Variants in UNC79 observed in about 807,000 individuals in gnomAD.
UNC79 encodes the protein protein unc-79 homolog.
In UNC79, 37 loss-of-function variants were observed where a neutral mutation model predicts 283.1. The ratio of observed to expected loss-of-function variants is 0.13; its 90% CI spans 0.10 to 0.17. UNC79 has a LOEUF of 0.17. Ranked by LOEUF, UNC79 falls within the 10% of genes least tolerant of loss-of-function variation. UNC79 has a pLI of 1.00. For synonymous variants in UNC79, 1,107 were observed against 1,200.2 expected, an observed-to-expected ratio of 0.92 and a Z score of 1.61; for missense variants, 2,272 against 3,211.1, an observed-to-expected ratio of 0.71 and a Z score of 7.07.
chr14:93,586,524 A>G (rs1234065536), intron 20 of UNC79, 72 bp from the exon 21 acceptor site: 1 of 1,384,974 alleles, frequency 7.2e-7, no homozygotes, highest in Non-Finnish European at 9.9e-7. Flanking sequence ...GGTTTTTATG[A>G]TCTTGATAAA....
upstream of UNC79, among the ~76,000 whole-genome samples, chr14:93,426,481 C>T (rs1233413154): frequency 6.6e-6 from 1 of 150,984 alleles, no homozygotes; most frequent in Non-Finnish European, 1.5e-5. Flanking sequence ...TCCTCTTCTT[C>T]TGTGAGTATA....
chr14:93,673,523 T>A, intron 41 of UNC79, 68 bp downstream of exon 44: 2 of 1,329,034 alleles, frequency 1.5e-6, no homozygotes, highest in Non-Finnish European at 2.1e-6. Context: ...TTAAGGGAGG[T>A]GTAGAGTGTA....
chr14:93,372,565 C>T (rs1353944309), intron 1 of UNC79, among the ~76,000 whole-genome samples: 1 of 152,170 alleles, frequency 6.6e-6, no homozygotes, highest in Non-Finnish European at 1.5e-5. Context: ...AGGAATACTA[C>T]TCAGGAGAAA....
chr14:93,471,200 G>A (rs2057481799), intron 2 of UNC79, among the ~76,000 whole-genome samples: 1 of 152,170 alleles, frequency 6.6e-6, no homozygotes, highest in Non-Finnish European at 1.5e-5. Flanking sequence ...GTTAAGTCAT[G>A]GAGTAACTTT....
At chr14:93,400,802 G>A (rs1347313100) in intron 1 of UNC79, among the ~76,000 whole-genome samples, 1 of 152,128 alleles carries the variant, frequency 6.6e-6, no homozygotes, top group Non-Finnish European at 1.5e-5. Flanking sequence ...ATTCGGATGT[G>A]AGATCAAGAA....
intron 1 of UNC79, among the ~76,000 whole-genome samples, chr14:93,405,142 G>A (rs542204593): frequency 5.3e-5 from 8 of 152,078 alleles, no homozygotes; most frequent in Admixed American, 1.3e-4. Context: ...AATTAGCTGC[G>A]TGTGGTGGCG....
chr14:93,462,336 AAC>A (rs1248569255), intron 1 of UNC79, among the ~76,000 whole-genome samples: 2 of 152,140 alleles, frequency 1.3e-5, no homozygotes, highest in Non-Finnish European at 2.9e-5. Flanking sequence ...ACACACACAC[AAC>A]AGTGTCTGGC....
intron 1 of UNC79, among the ~76,000 whole-genome samples, chr14:93,349,854 A>AT (rs1264000648): frequency 2.0e-5 from 3 of 152,254 alleles, no homozygotes; most frequent in Non-Finnish European, 2.9e-5. Context: ...TTTATAAATG[A>AT]TTAACAGAAA....
At chr14:93,600,361 A>AAG (rs2065410978) in intron 24 of UNC79, among the ~76,000 whole-genome samples, 3 of 149,044 alleles carry the variant, frequency 2.0e-5, no homozygotes, top group Non-Finnish European at 4.5e-5. Flanking sequence ...GATATTCTAC[A>AAG]AGGAAGATAA....
intron 1 of UNC79, among the ~76,000 whole-genome samples, chr14:93,354,808 A>G (rs1322575625): frequency 2.0e-5 from 3 of 152,018 alleles, no homozygotes; most frequent in Admixed American, 1.3e-4. Context: ...AGCCCTAAGC[A>G]TTTTGAATAA....
At chr14:93,433,282 G>C (rs1353013410) in intron 1 of UNC79, among the ~76,000 whole-genome samples, 1 of 152,138 alleles carries the variant, frequency 6.6e-6, no homozygotes, top group Non-Finnish European at 1.5e-5. Context: ...AGGATGCTAT[G>C]GATGTTTTTA....
Position 93,688,914 on chromosome 14 carries a change from A to G in UNC79, c.7085+74A>G, listed in dbSNP as rs1441752931. 6.7e-7 allele frequency: 1 copy of G among 1,498,100 alleles called. No individual in the cohort carries two copies. The highest frequency in any genetic ancestry group is 1.9e-5 in the Admixed American group (1 of 51,704). The allele number at this position is 1,498,100 out of a possible 1,614,324, so 92.8% of individuals were successfully genotyped here. On this transcript the variant is annotated intron_variant, in intron 44 of 48. Transcript: ENST00000555664. The surrounding 1 kb of genome is among the most constrained non-coding windows in gnomAD (Gnocchi z 4.0). Reference sequence around the variant, plus strand: ...CCCCTGAGTTTCCTCGGGCTCAGCTAGAGTTAAGGAGTACACCGAAGATTT... The same window carrying G: ...CCCCTGAGTTTCCTCGGGCTCAGCTGGAGTTAAGGAGTACACCGAAGATTT...
At chr14:93,506,873 A>G (rs1185822203) in intron 7 of UNC79, among the ~76,000 whole-genome samples, 3 of 152,216 alleles carry the variant, frequency 2.0e-5, no homozygotes, top group Non-Finnish European at 2.9e-5. Flanking sequence ...GAATGTTTCC[A>G]TCAACCCAGA....
intron 1 of UNC79, among the ~76,000 whole-genome samples, 196 bp from the exon 2 acceptor site, chr14:93,467,474 GT>G (rs1349194850): frequency 1.3e-5 from 2 of 150,792 alleles, no homozygotes; most frequent in African/African-American, 4.9e-5. Context: ...GAAATTAAAA[GT>G]TTTTTTGTAA....
intron 39 of UNC79, among the ~76,000 whole-genome samples, chr14:93,661,589 T>C (rs1266674337): frequency 2.0e-5 from 3 of 152,194 alleles, no homozygotes; most frequent in African/African-American, 7.2e-5. Context: ...GAATTCTACC[T>C]GATACCTTTA....
chr14:93,519,105 GT>G (rs1301106892), intron 7 of UNC79, among the ~76,000 whole-genome samples: 1 of 151,784 alleles, frequency 6.6e-6, no homozygotes, highest in African/African-American at 2.4e-5. Context: ...TGTTTTATCA[GT>G]TACTGAGAGA....
At chr14:93,581,484 C>CTTT (rs569060513) in intron 19 of UNC79, among the ~76,000 whole-genome samples, 37 of 100,664 alleles carry the variant, frequency 3.7e-4, no homozygotes, top group African/African-American at 1.2e-3. Flanking sequence ...GTATTTGCAT[C>CTTT]TTTTTTTTTT....
intron 47 of UNC79, among the ~76,000 whole-genome samples, chr14:93,697,628 G>A (rs937515227): frequency 4.6e-5 from 7 of 152,110 alleles, no homozygotes; most frequent in African/African-American, 1.7e-4. Flanking sequence ...GTTAGGGGGT[G>A]GACACAGTGG....
At chr14:93,641,788 A>G (rs746773985) in intron 33 of UNC79, among the ~76,000 whole-genome samples, 2 of 152,170 alleles carry the variant, frequency 1.3e-5, no homozygotes, top group Non-Finnish European at 2.9e-5. Context: ...TTCCCACCCA[A>G]ATCTCACCTT....
Sources: gnomAD v4.1 joint callset for allele counts (sites outside exome capture counted in the v4.1 genomes callset) on GRCh38, gnomAD v4.1.1 for gene constraint, Gnocchi (gnomAD v3.1) non-coding constraint, MANE v1.5 for transcripts, NCBI Gene and HGNC (gene_info 2026-07-23, HGNC 2026-07-21) for gene names.